KIF6: variants seen among roughly 807,000 people sequenced by gnomAD.
KIF6 encodes kinesin family member 6.
Under a neutral mutation model 112.7 loss-of-function variants are expected in KIF6, and 106 were observed. The observed-to-expected ratio is 0.94, with a 90% CI of 0.80 to 1.11. The LOEUF is 1.11. Ranked by LOEUF, KIF6 falls within the 50% of genes least tolerant of loss-of-function variation. The probability of loss-of-function intolerance (pLI) is 0.00; values close to 1 mark genes in which losing one functional copy is unlikely to be tolerated. For missense variants in KIF6, 929 were observed against 964.0 expected (o/e 0.96, Z 0.48); for synonymous variants, 339 against 339.9 (o/e 1.00, Z 0.03).
chr6:39,557,636 T>C lies in KIF6; in HGVS notation c.1182-11948A>G, dbSNP rs532845053. On this transcript the variant is annotated intron_variant, in intron 10 of 22. Coordinates refer to ENST00000287152, the MANE Select transcript of KIF6 (RefSeq NM_145027.6). The stretch of plus-strand genomic sequence containing the variant: ...GTTTTGTTTTCCAGAAAAAAATACA[T>C]ATACAGAGACAACCAACAAAATTTT... 1.2e-3 allele frequency among the ~76,000 whole-genome samples: 184 copies of C among 152,140 alleles called. 1 individual carries two copies. Among genetic ancestry groups the C allele is most frequent in the South Asian group, 3.1e-3 (15 of 4,824 alleles).
At chr6:39,638,765 G>A (rs1161695174) in intron 4 of KIF6, among the ~76,000 whole-genome samples, 2 of 152,140 alleles carry the variant, frequency 1.3e-5, no homozygotes, top group African/African-American at 2.4e-5. Context: ...GCTGGAACTA[G>A]TAGGGACACT....
chr6:39,379,077 C>T (rs1004826037), intron 16 of KIF6, among the ~76,000 whole-genome samples: 7 of 152,160 alleles, frequency 4.6e-5, no homozygotes, highest in East Asian at 1.9e-4. Flanking sequence ...TACAAGGATC[C>T]GCACGATAAA....
intron 5 of KIF6, among the ~76,000 whole-genome samples, chr6:39,623,307 T>A (rs193259217): frequency 2.0e-5 from 3 of 152,320 alleles, no homozygotes; most frequent in Admixed American, 1.3e-4. Context: ...AACTTTGGAA[T>A]CATATATATG....
At chr6:39,536,586 G>A (rs1317451416) in intron 13 of KIF6, among the ~76,000 whole-genome samples, 2 of 151,942 alleles carry the variant, frequency 1.3e-5, no homozygotes, top group African/African-American at 2.4e-5. Flanking sequence ...GCTTACCAAC[G>A]AAAAAGAGTC....
chr6:39,557,152 G>A (rs1319383173), intron 10 of KIF6, among the ~76,000 whole-genome samples: 5 of 151,928 alleles, frequency 3.3e-5, no homozygotes, highest in Admixed American at 3.3e-4. Context: ...CATATTAAAA[G>A]GATTTTGTTA....
chr6:39,435,105 C>T (rs1017395054), intron 13 of KIF6, among the ~76,000 whole-genome samples: 14 of 152,044 alleles, frequency 9.2e-5, no homozygotes, highest in African/African-American at 2.7e-4. Context: ...GCAGTCATTG[C>T]GGCTCTTAGA....
chr6:39,348,583 G>A (rs946371798), intron 19 of KIF6, among the ~76,000 whole-genome samples: 1 of 152,148 alleles, frequency 6.6e-6, no homozygotes, highest in Non-Finnish European at 1.5e-5. Context: ...CTTTGACACC[G>A]AATTAATTTC....
chr6:39,468,594 A>C (rs1562243369), intron 13 of KIF6, among the ~76,000 whole-genome samples: 1 of 152,204 alleles, frequency 6.6e-6, no homozygotes, highest in African/African-American at 2.4e-5. Flanking sequence ...AAAAGCTGTC[A>C]ACCAAGACTC....
intron 7 of KIF6, among the ~76,000 whole-genome samples, chr6:39,587,610 A>G (rs1225843063): frequency 6.6e-6 from 1 of 151,548 alleles, no homozygotes; most frequent in Non-Finnish European, 1.5e-5. Context: ...CCTCTCCTCA[A>G]TTTCACTTCG....
chr6:39,397,878 A>G (rs1227870917), intron 15 of KIF6, among the ~76,000 whole-genome samples: 2 of 152,176 alleles, frequency 1.3e-5, no homozygotes, highest in African/African-American at 2.4e-5. Context: ...GGAGTCAACA[A>G]TTCCAAGGGC....
chr6:39,552,399 T>C (rs1416402062), intron 10 of KIF6, among the ~76,000 whole-genome samples: 1 of 152,240 alleles, frequency 6.6e-6, no homozygotes, highest in Non-Finnish European at 1.5e-5. Context: ...TTGTTATTCA[T>C]CTGTTCCATA....
chr6:39,496,048 A>T (rs1358391516), intron 13 of KIF6, among the ~76,000 whole-genome samples: 1 of 152,172 alleles, frequency 6.6e-6, no homozygotes, highest in Non-Finnish European at 1.5e-5. Flanking sequence ...TATCCCAATC[A>T]TTTCTTCAAT....
chr6:39,396,986 C>T (rs547709582), intron 15 of KIF6, among the ~76,000 whole-genome samples: 2 of 152,258 alleles, frequency 1.3e-5, no homozygotes, highest in East Asian at 3.9e-4. Flanking sequence ...AACAAGTTAT[C>T]GTGGGCCCAG....
intron 22 of KIF6, among the ~76,000 whole-genome samples, chr6:39,337,143 CCTTT>C (rs1199420057): frequency 1.6e-5 from 2 of 123,366 alleles, no homozygotes; most frequent in Admixed American, 7.9e-5. Context: ...TTCCTTCCTT[CCTTT>C]CTCTTTCTTT....
intron 15 of KIF6, among the ~76,000 whole-genome samples, chr6:39,389,744 A>G (rs551354154): frequency 6.6e-6 from 1 of 152,216 alleles, no homozygotes; most frequent in East Asian, 1.9e-4. Context: ...ATAATTACAA[A>G]TCTGGGCCAG....
At chr6:39,597,352 A>G (rs764720387) in intron 6 of KIF6, among the ~76,000 whole-genome samples, 44 of 152,204 alleles carry the variant, frequency 2.9e-4, no homozygotes, top group African/African-American at 1.0e-3. Flanking sequence ...GAATAACAAT[A>G]AAAGGGGACT....
chr6:39,721,005 A>G (rs1790185646), intron 1 of KIF6, among the ~76,000 whole-genome samples, 194 bp from the exon 2 acceptor site: 1 of 152,244 alleles, frequency 6.6e-6, no homozygotes, highest in South Asian at 2.1e-4. Context: ...AACCAGAAGT[A>G]AAACCTAAAT....
At chr6:39,499,041 A>G (rs1033576109) in intron 13 of KIF6, among the ~76,000 whole-genome samples, 1 of 152,242 alleles carries the variant, frequency 6.6e-6, no homozygotes, top group Non-Finnish European at 1.5e-5. Context: ...GATGCTGTGG[A>G]AAGAGCAAAG....
chr6:39,448,681 T>C (rs1399295939), intron 13 of KIF6, among the ~76,000 whole-genome samples: 1 of 152,172 alleles, frequency 6.6e-6, no homozygotes, highest in Non-Finnish European at 1.5e-5. Flanking sequence ...CTTCAGATAT[T>C]GTTTAGCTCT....
Sources: allele counts gnomAD v4.1 joint callset (sites outside exome capture counted in the v4.1 genomes callset), GRCh38; gene constraint gnomAD v4.1.1; transcripts MANE v1.5; gene names NCBI Gene and HGNC (gene_info 2026-07-23, HGNC 2026-07-21).